PKNOX2: variants seen among roughly 807,000 people sequenced by gnomAD.
PKNOX2 encodes homeobox protein PKNOX2.
PKNOX2 carries 14 observed loss-of-function variants against 53.1 expected under a neutral mutation model. That is an observed-to-expected ratio of 0.26 (90% CI 0.17 to 0.41). The LOEUF is 0.41. Ranked by LOEUF, PKNOX2 falls within the 10% of genes least tolerant of loss-of-function variation. The probability of loss-of-function intolerance (pLI) is 1.00; values close to 1 mark genes in which losing one functional copy is unlikely to be tolerated. For missense variants in PKNOX2, 496 were observed against 602.8 expected (o/e 0.82, Z 1.85); for synonymous variants, 257 against 242.8 (o/e 1.06, Z -0.54).
chr11:125,328,901 G>A (rs576364463), intron 2 of PKNOX2, among the ~76,000 whole-genome samples: 5 of 152,260 alleles, frequency 3.3e-5, no homozygotes, highest in African/African-American at 7.2e-5. Context: ...TCTCTCATAC[G>A]CTGCTGATAG....
chr11:125,207,141 C>T (rs1451166380), intron 1 of PKNOX2, among the ~76,000 whole-genome samples: 2 of 151,860 alleles, frequency 1.3e-5, no homozygotes, highest in African/African-American at 4.8e-5. Context: ...TCAACAACTG[C>T]CACAGGAAAC....
intron 2 of PKNOX2, among the ~76,000 whole-genome samples, chr11:125,293,731 A>ACACACACACT (rs112521184): frequency 5.9e-5 from 9 of 152,036 alleles, no homozygotes; most frequent in Non-Finnish European, 1.3e-4. Flanking sequence ...GTTGACACTA[A>ACACACACACT]CACACACACT....
chr11:125,366,285 C>G (rs1952186321), intron 4 of PKNOX2, among the ~76,000 whole-genome samples: 1 of 152,108 alleles, frequency 6.6e-6, no homozygotes, highest in South Asian at 2.1e-4. Flanking sequence ...AGCCTCTTAC[C>G]CACTGAGATT....
intron 10 of PKNOX2, among the ~76,000 whole-genome samples, chr11:125,414,777 C>A (rs563091572): frequency 6.6e-6 from 1 of 151,722 alleles, no homozygotes; most frequent in Non-Finnish European, 1.5e-5. Context: ...ATACTTATTT[C>A]CCATGGTTGT....
intron 5 of PKNOX2, among the ~76,000 whole-genome samples, chr11:125,382,130 AC>A (rs1281607192): frequency 6.6e-6 from 1 of 152,338 alleles, no homozygotes; most frequent in East Asian, 1.9e-4. Context: ...TACAAACAGC[AC>A]AGAGAACATG....
intron 1 of PKNOX2, among the ~76,000 whole-genome samples, chr11:125,195,910 CACACA>C (rs1937627506): frequency 6.7e-6 from 1 of 149,218 alleles, no homozygotes; most frequent in African/African-American, 2.6e-5. Context: ...CACACACACA[CACACA>C]CACACACAAT....
chr11:125,279,728 G>C (rs1946423056), intron 2 of PKNOX2, among the ~76,000 whole-genome samples: 1 of 152,216 alleles, frequency 6.6e-6, no homozygotes, highest in Non-Finnish European at 1.5e-5. Flanking sequence ...GCCACCCAGA[G>C]TAGGATGCCA....
chr11:125,212,857 G>A lies in PKNOX2; in HGVS notation c.-200-22188G>A, dbSNP rs1472129241. 2.0e-5 allele frequency among the ~76,000 whole-genome samples: 3 copies of A among 151,862 alleles called. 1 individual carries two copies. The highest frequency in any genetic ancestry group is 4.4e-5 in the Non-Finnish European group (3 of 67,928). ...TCCTGTAGGTAGATGGCAATTAAGGGTCTAGGCTCAGAACTCACTTTGACT... is the reference window on the plus strand; with the variant it reads ...TCCTGTAGGTAGATGGCAATTAAGGATCTAGGCTCAGAACTCACTTTGACT... On this transcript the variant is annotated intron_variant, in intron 1 of 12. Coordinates refer to ENST00000298282, the MANE Select transcript of PKNOX2 (RefSeq NM_001382323.2).
At chr11:125,427,508 C>T (rs1348340840) in intron 10 of PKNOX2, among the ~76,000 whole-genome samples, 1 of 152,180 alleles carries the variant, frequency 6.6e-6, no homozygotes, top group Admixed American at 6.5e-5. Flanking sequence ...TTCTAAGCAC[C>T]TTGTAACACC....
chr11:125,282,295 C>T lies in PKNOX2; in HGVS notation c.-130+47180C>T, dbSNP rs182586260. Reference sequence around the variant, plus strand: ...TACTTCCTACTAAGAATCTTAGTTCCTGGCTGTAAAATGTGAATATTCTGT... The same window carrying T: ...TACTTCCTACTAAGAATCTTAGTTCTTGGCTGTAAAATGTGAATATTCTGT... On this transcript the variant is annotated intron_variant, in intron 2 of 12. Transcript: ENST00000298282. Among the ~76,000 whole-genome samples the T allele has an allele frequency of 8.6e-4, 131 of 152,342 alleles. 4 individuals are homozygous for T. The highest frequency in any genetic ancestry group is 8.6e-3 in the Admixed American group (131 of 15,304).
chr11:125,381,170 G>A (rs991742755), intron 5 of PKNOX2, among the ~76,000 whole-genome samples: 9 of 152,142 alleles, frequency 5.9e-5, no homozygotes, highest in East Asian at 5.8e-4. Flanking sequence ...AGCCACAGGC[G>A]CCCCGCTGAC....
intron 1 of PKNOX2, among the ~76,000 whole-genome samples, chr11:125,209,587 A>G (rs141922271): frequency 8.0e-4 from 122 of 152,196 alleles, no homozygotes; most frequent in African/African-American, 2.9e-3. Flanking sequence ...CAGAAGGCAC[A>G]GAACCAATGG....
chr11:125,380,727 C>G (rs926195968), intron 5 of PKNOX2, among the ~76,000 whole-genome samples: 1 of 152,232 alleles, frequency 6.6e-6, no homozygotes, highest in African/African-American at 2.4e-5. Context: ...GGGAATCCTT[C>G]TCCCCACCCA....
intron 5 of PKNOX2, among the ~76,000 whole-genome samples, chr11:125,384,545 G>A (rs934597972): frequency 9.9e-5 from 15 of 152,266 alleles, no homozygotes; most frequent in Admixed American, 6.5e-4. Flanking sequence ...TAAGCCAGGC[G>A]TGGTGGCGGA....
chr11:125,169,553 C>T (rs970166206), intron 1 of PKNOX2, among the ~76,000 whole-genome samples: 1 of 152,182 alleles, frequency 6.6e-6, no homozygotes, highest in Non-Finnish European at 1.5e-5. Context: ...TCTTTTGACT[C>T]TGTTATTGCC....
intron 1 of PKNOX2, among the ~76,000 whole-genome samples, chr11:125,227,956 G>A (rs942012555): frequency 6.6e-6 from 1 of 152,130 alleles, no homozygotes; most frequent in Admixed American, 6.5e-5. Context: ...GGCTCAGGAG[G>A]CCCCCTGCTG....
chr11:125,328,627 C>T (rs1004054688), intron 2 of PKNOX2, among the ~76,000 whole-genome samples: 3 of 152,170 alleles, frequency 2.0e-5, no homozygotes, highest in African/African-American at 7.2e-5. Flanking sequence ...ATTGGCCCAC[C>T]CCACCACTCA....
intron 1 of PKNOX2, among the ~76,000 whole-genome samples, chr11:125,187,250 G>C (rs755833288): frequency 1.3e-4 from 19 of 151,778 alleles, no homozygotes; most frequent in South Asian, 4.2e-4. Flanking sequence ...TTTTTCAAGA[G>C]ACTGTGGAAT....
At chr11:125,350,281 A>C (rs117561652) in intron 3 of PKNOX2, among the ~76,000 whole-genome samples, 33 of 152,234 alleles carry the variant, frequency 2.2e-4, no homozygotes, top group East Asian at 7.7e-4. Flanking sequence ...ACCACATCCT[A>C]CTTCAAGAGG....
Sources: allele counts gnomAD v4.1 joint callset (sites outside exome capture counted in the v4.1 genomes callset), GRCh38; gene constraint gnomAD v4.1.1; transcripts MANE v1.5; gene names NCBI Gene and HGNC (gene_info 2026-07-23, HGNC 2026-07-21).